Variants in ANXA8 observed in about 807,000 individuals in gnomAD.
ANXA8 encodes VAC-beta.
In ANXA8, 9 loss-of-function variants were observed where a neutral mutation model predicts 26.8. That is an observed-to-expected ratio of 0.34 (90% CI 0.20 to 0.59). The LOEUF is 0.59. ANXA8 is among the 20% of genes least tolerant of loss of function. The probability of loss-of-function intolerance (pLI) is 0.84; values close to 1 mark genes in which losing one functional copy is unlikely to be tolerated. For synonymous variants in ANXA8, 39 were observed against 94.8 expected (o/e 0.41, Z 3.42); for missense variants, 83 against 238.5 (o/e 0.35, Z 4.29).
At chr10:47,727,813 T>C in the ANXA8 span, among the ~76,000 whole-genome samples, 1 of 36,072 alleles carries the variant, frequency 2.8e-5, no homozygotes, top group South Asian at 9.5e-4. Flanking sequence ...TCTTTCCATA[T>C]TCTTGCACCT....
chr10:47,649,715 T>C, the ANXA8 span, among the ~76,000 whole-genome samples: 1 of 148,052 alleles, frequency 6.8e-6, no homozygotes, highest in Non-Finnish European at 1.5e-5. Flanking sequence ...CCCTTAAAAT[T>C]AAAAAAATTT....
chr10:47,647,901 A>G, the ANXA8 span, among the ~76,000 whole-genome samples: 2 of 152,060 alleles, frequency 1.3e-5, no homozygotes, highest in African/African-American at 4.8e-5. Flanking sequence ...TGACTGCAAG[A>G]TGAAGCTATC....
upstream of ANXA8, among the ~76,000 whole-genome samples, chr10:47,488,297 G>A (rs1356175233): frequency 5.6e-5 from 8 of 142,726 alleles, no homozygotes; most frequent in African/African-American, 1.1e-4. Flanking sequence ...TGCAACCTCC[G>A]CCTCCCAGGT....
chr10:47,733,299 T>TTTG, the ANXA8 span, among the ~76,000 whole-genome samples: 43 of 100,694 alleles, frequency 4.3e-4, 2 homozygotes, highest in Middle Eastern at 5.2e-3. Context: ...TTCTTTCTTT[T>TTTG]TTTTCTTTCT....
At chr10:47,485,755 G>T (rs1327385913), upstream of ANXA8, among the ~76,000 whole-genome samples, 1 of 151,822 alleles carries the variant, frequency 6.6e-6, no homozygotes, top group Non-Finnish European at 1.5e-5. Flanking sequence ...AGGAGAGAGG[G>T]CCAGGCATCT....
chr10:47,979,492 CA>C, the ANXA8 span, among the ~76,000 whole-genome samples: 6 of 151,530 alleles, frequency 4.0e-5, no homozygotes, highest in African/African-American at 1.2e-4. Context: ...AGGGGCTTTG[CA>C]GATATGATTA....
chr10:47,985,273 T>C, the ANXA8 span, among the ~76,000 whole-genome samples: 3 of 146,664 alleles, frequency 2.0e-5, no homozygotes, highest in African/African-American at 7.8e-5. Flanking sequence ...TGCACACTTA[T>C]TTGAGCAGTT....
At chr10:47,687,764 A>G in the ANXA8 span, among the ~76,000 whole-genome samples, 1 of 151,820 alleles carries the variant, frequency 6.6e-6, no homozygotes, top group Non-Finnish European at 1.5e-5. Context: ...AGGTTGGAAT[A>G]TGTAGTTATA....
chr10:47,580,575 A>G, the ANXA8 span, among the ~76,000 whole-genome samples: 10 of 149,922 alleles, frequency 6.7e-5, no homozygotes, highest in Non-Finnish European at 1.0e-4. Flanking sequence ...GTCTCTACGA[A>G]AAAAAAATTT....
At chr10:47,894,674 C>T in the ANXA8 span, among the ~76,000 whole-genome samples, 1 of 151,960 alleles carries the variant, frequency 6.6e-6, no homozygotes, top group Non-Finnish European at 1.5e-5. Context: ...CCCCACACAC[C>T]ACACACATCA....
the ANXA8 span, among the ~76,000 whole-genome samples, chr10:47,650,273 C>G: frequency 2.0e-5 from 3 of 146,726 alleles, no homozygotes; most frequent in Non-Finnish European, 3.0e-5. Context: ...TCTTGAATTC[C>G]TGGGCTCAAG....
the ANXA8 span, among the ~76,000 whole-genome samples, chr10:47,976,678 G>GTTGTTACTAT: frequency 6.7e-6 from 1 of 148,858 alleles, no homozygotes; most frequent in Non-Finnish European, 1.5e-5. Flanking sequence ...TCCTCAGAAA[G>GTTGTTACTAT]TTGTTACTAT....
At chr10:47,733,143 A>ATCTTTTTCTTTCTT in the ANXA8 span, among the ~76,000 whole-genome samples, 9 of 98,066 alleles carry the variant, frequency 9.2e-5, no homozygotes, top group African/African-American at 3.4e-4. Flanking sequence ...CAACTCCCTA[A>ATCTTTTTCTTTCTT]TCTTTCTTTC....
At chr10:47,495,976 A>G in the ANXA8 span, among the ~76,000 whole-genome samples, 4 of 151,688 alleles carry the variant, frequency 2.6e-5, no homozygotes, top group East Asian at 1.9e-4. Flanking sequence ...ATCTGAGAGC[A>G]CGCCTTCCCA....
At chr10:47,772,368 G>A in the ANXA8 span, among the ~76,000 whole-genome samples, 58 of 152,366 alleles carry the variant, frequency 3.8e-4, no homozygotes, top group South Asian at 5.0e-3. Flanking sequence ...TAGGGAAAGT[G>A]TTTATTTCCT....
the ANXA8 span, among the ~76,000 whole-genome samples, chr10:47,721,167 C>G: frequency 7.1e-6 from 1 of 141,130 alleles, no homozygotes; most frequent in South Asian, 2.2e-4. Flanking sequence ...ACAAAAAATG[C>G]ATGGTATGTA....
chr10:47,605,917 T>C, the ANXA8 span, among the ~76,000 whole-genome samples: 2 of 116,830 alleles, frequency 1.7e-5, no homozygotes, highest in African/African-American at 7.4e-5. Context: ...CAAAAATGAC[T>C]TACTAGTTTT....
At chr10:47,942,137 G>A in the ANXA8 span, among the ~76,000 whole-genome samples, 5 of 147,072 alleles carry the variant, frequency 3.4e-5, 1 homozygote, top group Non-Finnish European at 5.9e-5. Flanking sequence ...CAGTGATCAT[G>A]GGATTGTAGT....
the ANXA8 span, among the ~76,000 whole-genome samples, chr10:47,526,164 T>C: frequency 7.7e-5 from 10 of 129,066 alleles, 2 homozygotes; most frequent in African/African-American, 3.0e-4. Flanking sequence ...AGTGGCACAA[T>C]CATTGCTCAC....
Sources: allele counts gnomAD v4.1 joint callset (sites outside exome capture counted in the v4.1 genomes callset), GRCh38; gene constraint gnomAD v4.1.1; transcripts MANE v1.5; gene names NCBI Gene and HGNC (gene_info 2026-07-23, HGNC 2026-07-21).